Variants in DPY19L4 observed in about 807,000 individuals in gnomAD.
DPY19L4 encodes the protein dpy-19 like 4.
In DPY19L4, 97 loss-of-function variants were observed where a neutral mutation model predicts 102.8. The observed-to-expected ratio is 0.94, with a 90% CI of 0.80 to 1.12. DPY19L4 has a LOEUF of 1.12. Ranked by LOEUF, DPY19L4 falls within the 50% of genes most tolerant of loss-of-function variation. The pLI, the probability that DPY19L4 is intolerant of heterozygous loss-of-function variation, is 0.00. For missense variants in DPY19L4, 815 were observed against 850.4 expected (o/e 0.96, Z 0.52); for synonymous variants, 252 against 283.1 (o/e 0.89, Z 1.10).
At chr8:94,758,124 A>C (rs1029946394) in intron 7 of DPY19L4, among the ~76,000 whole-genome samples, 3 of 151,982 alleles carry the variant, frequency 2.0e-5, no homozygotes, top group Non-Finnish European at 2.9e-5. Flanking sequence ...AAAAAAATAG[A>C]GTTTGGTATA....
At chr8:94,780,683 G>A (rs1409991954) in intron 15 of DPY19L4, among the ~76,000 whole-genome samples, 1 of 151,974 alleles carries the variant, frequency 6.6e-6, no homozygotes, top group Non-Finnish European at 1.5e-5. Context: ...GAGTAAATAG[G>A]AATTAATATT....
At chr8:94,766,756 G>T (rs1812690765) in intron 11 of DPY19L4, 71 bp downstream of exon 11, 3 of 1,407,034 alleles carry the variant, frequency 2.1e-6, no homozygotes, top group Non-Finnish European at 2.9e-6. Context: ...AATACTCGAT[G>T]GCCGGGCATA....
At chr8:94,781,786 A>G (rs1813442526) in intron 16 of DPY19L4, among the ~76,000 whole-genome samples, 2 of 152,222 alleles carry the variant, frequency 1.3e-5, no homozygotes, top group Non-Finnish European at 2.9e-5. Context: ...TCCCCTCTCA[A>G]TTTATAGCAA....
chr8:94,722,523 T>C (rs1310173720), intron 1 of DPY19L4, among the ~76,000 whole-genome samples: 1 of 152,232 alleles, frequency 6.6e-6, no homozygotes, highest in East Asian at 1.9e-4. Flanking sequence ...ATTAAAATAT[T>C]GCTTTATTCA....
At position 94,789,822 on chromosome 8, in the gene DPY19L4, C is replaced by T; in HGVS notation, c.2084C>T (p.Ser695Phe). The part of the protein sequence containing the change: ...RFCHEVKINY[S>F]PYVNYFTRVY... ...TGTCATGAGGTCAAAATTAACTATT[C>T]TCCATATGTGAATTATTTCACTAGA... The change falls in exon 19 of 19, where the codon TCT becomes TTT. Residue 695 changes from serine (S) to phenylalanine (F), a missense_variant. Ser to Phe is a radical substitution (Grantham distance 155). Transcript: ENST00000414645. 3 of 1,611,666 alleles carry T rather than the reference C, an allele frequency of 1.9e-6. No homozygotes were observed. The highest frequency in any genetic ancestry group is 2.7e-5 in the African/African-American group (2 of 74,910).
At chr8:94,789,485 C>G (rs201761608) in intron 18 of DPY19L4, among the ~76,000 whole-genome samples, 1 of 152,056 alleles carries the variant, frequency 6.6e-6, no homozygotes, top group African/African-American at 2.4e-5. Context: ...GAAACACTGC[C>G]TTCTAAATTT....
chr8:94,784,588 C>A (rs769701770), intron 17 of DPY19L4, among the ~76,000 whole-genome samples: 4 of 152,064 alleles, frequency 2.6e-5, no homozygotes, highest in Admixed American at 6.6e-5. Flanking sequence ...GCCACCATGA[C>A]CAGTTAATTT....
At position 94,775,305 on chromosome 8, in the gene DPY19L4, G is replaced by A. The variant is rs138546626; in HGVS notation, c.1455-2361G>A. ...TCCTGCCTCAGCCTCCAGAGTAGCT[G>A]GGATTACAGGCATGTGCCACCACGC... On this transcript the variant is annotated intron_variant, in intron 13 of 18. Coordinates refer to ENST00000414645, the MANE Select transcript of DPY19L4 (RefSeq NM_181787.3). Among the ~76,000 whole-genome samples the A allele has an allele frequency of 6.2e-3, 941 of 152,110 alleles. 7 individuals carry two copies. Among genetic ancestry groups the A allele is most frequent in the African/African-American group, 0.022 (902 of 41,486 alleles).
chr8:94,747,729 T>C (rs932130968), intron 6 of DPY19L4, among the ~76,000 whole-genome samples: 1 of 151,976 alleles, frequency 6.6e-6, no homozygotes, highest in Non-Finnish European at 1.5e-5. Context: ...TGGCTAATTT[T>C]TTTTGTATTT....
At chr8:94,789,391 A>G (rs1813796859) in intron 18 of DPY19L4, among the ~76,000 whole-genome samples, 1 of 152,240 alleles carries the variant, frequency 6.6e-6, no homozygotes, top group Non-Finnish European at 1.5e-5. Context: ...AGAAGAGTGA[A>G]TATATTTAGG....
chr8:94,761,887 C>T (rs1393265781), intron 8 of DPY19L4, 53 bp downstream of exon 8: 1 of 1,536,112 alleles, frequency 6.5e-7, no homozygotes. Flanking sequence ...GTATTTATAG[C>T]ATTGTATCTT....
rs530924390 is a variant in DPY19L4 at position 94,775,724 on chromosome 8, G to A, written c.1455-1942G>A. On this transcript the variant is annotated intron_variant, in intron 13 of 18. Transcript: ENST00000414645. ...GGCCCAGATTCTTCCAGTCTCTTCC[G>A]AGTTTGACACCAGGGAATATATCAT... is the stretch of plus-strand genomic sequence containing the variant. 1.3e-4 allele frequency among the ~76,000 whole-genome samples: 20 copies of A among 152,260 alleles called. No individual in the cohort carries two copies. The South Asian group carries it at 2.1e-3, about 16-fold the overall frequency.
intron 2 of DPY19L4, among the ~76,000 whole-genome samples, chr8:94,732,811 C>CTTTTTTTTTTTTTTTTTT (rs10624368): frequency 2.3e-5 from 3 of 128,098 alleles, no homozygotes; most frequent in Admixed American, 8.4e-5. Flanking sequence ...CTTTTTCTTT[C>CTTTTTTTTTTTTTTTTTT]TTTTTTTTTT....
chr8:94,778,247 T>A (rs1024249733), intron 14 of DPY19L4, among the ~76,000 whole-genome samples: 2 of 150,236 alleles, frequency 1.3e-5, no homozygotes, highest in Non-Finnish European at 3.0e-5. Flanking sequence ...AAAAAAAAAA[T>A]TCTGATTATC....
chr8:94,777,917 CCTGCGCAAAACATTTTTAAAAATAATTT>C, intron 14 of DPY19L4, 131 bp downstream of exon 14: 1 of 1,148,860 alleles, frequency 8.7e-7, no homozygotes, highest in East Asian at 2.6e-5. Flanking sequence ...AAAAACAGAT[CCTGCGCAAAACATTTTTAAAAATAATTT>C]CTGGGCTGGA....
At position 94,719,923 on chromosome 8, in the gene DPY19L4, G is replaced by A. The variant is rs1457815961; in HGVS notation, c.-76G>A. The A allele has an allele frequency of 7.0e-7, 1 of 1,435,244 alleles. No individual in the cohort carries two copies. Among genetic ancestry groups the A allele is most frequent in the Non-Finnish European group, 9.2e-7 (1 of 1,088,002 alleles). 88.9% of individuals were successfully genotyped at this position (1,435,244 alleles called of 1,614,324 possible). A position where few individuals can be genotyped will look rare whatever the true frequency, so the allele number is the denominator to read the frequency against. ...CCAGGAGCGGGCCCCCGGAGGCCGA[G>A]GGGTTCGGCGACGCGGAGGGAGGGA... On this transcript the variant is annotated 5_prime_UTR_variant, in exon 1 of 19. Coordinates refer to ENST00000414645, the MANE Select transcript of DPY19L4 (RefSeq NM_181787.3).
At chr8:94,777,294 T>C (rs1041416058) in intron 13 of DPY19L4, among the ~76,000 whole-genome samples, 12 of 152,026 alleles carry the variant, frequency 7.9e-5, no homozygotes, top group Non-Finnish European at 1.5e-4. Context: ...CCCAAACTCC[T>C]GGCCTCAAGT....
Position 94,780,347 on chromosome 8 carries a change from T to G in DPY19L4, c.1576-12T>G. ...GTATTTATTTGTAATCCTTTTTGCT[T>G]TAATATTTTAGGCTCTTATTCTGAG... On this transcript the variant is annotated splice_polypyrimidine_tract_variant and intron_variant, in intron 14 of 18. Coordinates refer to ENST00000414645, the MANE Select transcript of DPY19L4 (RefSeq NM_181787.3). The G allele has an allele frequency of 2.7e-6, 4 of 1,461,634 alleles. No homozygotes were observed. The highest frequency in any genetic ancestry group is 3.7e-6 in the Non-Finnish European group (4 of 1,089,880). The allele number at this position is 1,461,634 out of a possible 1,614,324, so 90.5% of individuals were successfully genotyped here.
chr8:94,781,944 C>T (rs543573684), intron 16 of DPY19L4, among the ~76,000 whole-genome samples: 1 of 152,296 alleles, frequency 6.6e-6, no homozygotes, highest in African/African-American at 2.4e-5. Context: ...GACAAATCCT[C>T]AACCCATGTT....
Sources: gnomAD v4.1 joint callset for allele counts (sites outside exome capture counted in the v4.1 genomes callset) on GRCh38, gnomAD v4.1.1 for gene constraint, MANE v1.5 for transcripts, NCBI Gene and HGNC (gene_info 2026-07-23, HGNC 2026-07-21) for gene names.